The following UTRN variants were observed in gnomAD, a reference collection of about 807,000 sequenced individuals.
UTRN encodes the protein utrophin.
A neutral mutation model predicts 463.9 loss-of-function variants in UTRN; 283 were observed. That is an observed-to-expected ratio of 0.61 (90% CI 0.55 to 0.67). UTRN has a LOEUF of 0.67. Among genes scored for constraint, UTRN ranks in the 30% least tolerant of loss-of-function variants. The pLI, the probability that UTRN is intolerant of heterozygous loss-of-function variation, is 0.00. For synonymous variants in UTRN, 1,442 were observed against 1,431.5 expected (o/e 1.01, Z -0.17); for missense variants, 3,922 against 4,084.3 (o/e 0.96, Z 1.08).
chr6:144,585,233 A>G (rs1802354314), intron 51 of UTRN, among the ~76,000 whole-genome samples: 1 of 152,136 alleles, frequency 6.6e-6, no homozygotes. Flanking sequence ...TTGATTTATA[A>G]TTTCCTAAAG....
chr6:144,699,070 T>C lies in UTRN; in HGVS notation c.7653-1017T>C, dbSNP rs78605216. ...CTTTTTGAAGTAAACATTGCTATTGTTCTGCTTTTTGGTTACAACAGAAGG... is the reference window on the plus strand; with the variant it reads ...CTTTTTGAAGTAAACATTGCTATTGCTCTGCTTTTTGGTTACAACAGAAGG... On this transcript the variant is annotated intron_variant, in intron 52 of 74. Coordinates refer to ENST00000367545, the MANE Select transcript of UTRN (RefSeq NM_007124.3). Among the ~76,000 whole-genome samples the C allele has an allele frequency of 3.6e-3, 541 of 152,316 alleles. 3 individuals carry two copies. The highest frequency in any genetic ancestry group is 0.013 in the African/African-American group (524 of 41,556).
rs573506294 is a variant in UTRN, at chr6:144,550,863, G to A, written c.6811-102G>A. The stretch of plus-strand genomic sequence containing the variant: ...TGCTGATGCTTCACTATGCCATAGA[G>A]GAGGAAAACAACGACAACTTTGATG... On this transcript the variant is annotated intron_variant, in intron 47 of 74. Coordinates refer to ENST00000367545, the MANE Select transcript of UTRN (RefSeq NM_007124.3). The A allele has an allele frequency of 2.4e-5, 23 of 963,480 alleles. No individual in the cohort carries two copies. In the South Asian group the frequency reaches 4.7e-4, roughly 20 times the overall value. 59.7% of individuals were successfully genotyped at this position (963,480 alleles called of 1,614,324 possible).
intron 51 of UTRN, among the ~76,000 whole-genome samples, chr6:144,654,177 G>GT (rs1407090311): frequency 2.0e-5 from 3 of 152,234 alleles, no homozygotes; most frequent in Middle Eastern, 3.2e-3. Context: ...TGATTAGGGA[G>GT]TTGAAGTAGG....
At chr6:144,403,362 C>T (rs1045341794) in intron 3 of UTRN, among the ~76,000 whole-genome samples, 178 bp downstream of exon 3, 2 of 152,122 alleles carry the variant, frequency 1.3e-5, no homozygotes, top group Non-Finnish European at 2.9e-5. Flanking sequence ...CGGAAATTCT[C>T]ATGCACATAG....
At chr6:144,567,234 T>C (rs1315638979) in intron 50 of UTRN, among the ~76,000 whole-genome samples, 1 of 152,082 alleles carries the variant, frequency 6.6e-6, no homozygotes, top group Non-Finnish European at 1.5e-5. Flanking sequence ...AGATGGAAGG[T>C]ACAGCAGAGT....
chr6:144,804,020 C>T (rs889771876), intron 65 of UTRN, among the ~76,000 whole-genome samples: 1 of 152,080 alleles, frequency 6.6e-6, no homozygotes, highest in Non-Finnish European at 1.5e-5. Flanking sequence ...CTTTGATTTA[C>T]AGCTATTTTT....
chr6:144,577,752 G>T (rs926925472), intron 51 of UTRN, among the ~76,000 whole-genome samples: 1 of 152,190 alleles, frequency 6.6e-6, no homozygotes, highest in Non-Finnish European at 1.5e-5. Context: ...AACTGTGATT[G>T]TATATGTAGT....
At chr6:144,388,458 G>A (rs1166210401) in intron 2 of UTRN, among the ~76,000 whole-genome samples, 1 of 151,126 alleles carries the variant, frequency 6.6e-6, no homozygotes, top group Admixed American at 6.6e-5. Flanking sequence ...GACTACAGGT[G>A]TGGACCATTC....
chr6:144,697,876 ACT>A (rs1784185852), intron 52 of UTRN, among the ~76,000 whole-genome samples: 1 of 152,202 alleles, frequency 6.6e-6, no homozygotes, highest in African/African-American at 2.4e-5. Flanking sequence ...AGTGTTTGCA[ACT>A]CAATTTCAAA....
At chr6:144,461,887 T>C (rs1789453201) in intron 22 of UTRN, among the ~76,000 whole-genome samples, 1 of 152,226 alleles carries the variant, frequency 6.6e-6, no homozygotes, top group Non-Finnish European at 1.5e-5. Context: ...CATGAGTTTT[T>C]CATGTTTTGT....
chr6:144,621,321 G>C (rs1775354466), intron 51 of UTRN, among the ~76,000 whole-genome samples: 1 of 152,122 alleles, frequency 6.6e-6, no homozygotes, highest in Non-Finnish European at 1.5e-5. Context: ...AAACCATACT[G>C]TATATGAAAC....
chr6:144,386,701 T>C (rs1452278490), intron 2 of UTRN, among the ~76,000 whole-genome samples: 2 of 152,204 alleles, frequency 1.3e-5, no homozygotes. Flanking sequence ...TGTTCCTTTC[T>C]GACTTGTTTT....
intron 73 of UTRN, 60 bp from the exon 74 acceptor site, chr6:144,846,745 G>C: frequency 6.2e-7 from 1 of 1,612,874 alleles, no homozygotes; most frequent in Non-Finnish European, 8.5e-7. Flanking sequence ...ATGCCTGAGA[G>C]TTGGAACCAA....
intron 14 of UTRN, among the ~76,000 whole-genome samples, chr6:144,445,300 G>A (rs1420823743): frequency 1.4e-5 from 2 of 141,360 alleles, no homozygotes; most frequent in African/African-American, 5.3e-5. Flanking sequence ...GCAGTGAGCC[G>A]AGACTGTGCC....
chr6:144,713,792 T>C (rs1368683121), intron 53 of UTRN, among the ~76,000 whole-genome samples: 1 of 151,106 alleles, frequency 6.6e-6, no homozygotes, highest in Non-Finnish European at 1.5e-5. Context: ...TAGCGGCACA[T>C]GCCTGTAATC....
At chr6:144,495,136 C>T (rs181452025) in intron 33 of UTRN, among the ~76,000 whole-genome samples, 1 of 152,242 alleles carries the variant, frequency 6.6e-6, no homozygotes, top group Non-Finnish European at 1.5e-5. Flanking sequence ...TCCAGTCCCG[C>T]ACCGTGGGCT....
chr6:144,703,511 C>T (rs1784793011), intron 53 of UTRN, among the ~76,000 whole-genome samples: 1 of 151,914 alleles, frequency 6.6e-6, no homozygotes, highest in Admixed American at 6.6e-5. Context: ...AGAAATGAGC[C>T]CTGAGGAGCC....
chr6:144,643,978 T>C (rs1367670177), intron 51 of UTRN, among the ~76,000 whole-genome samples: 2 of 152,140 alleles, frequency 1.3e-5, no homozygotes, highest in Admixed American at 6.5e-5. Flanking sequence ...ATCATCTTCC[T>C]GAAAAAGGCA....
intron 2 of UTRN, among the ~76,000 whole-genome samples, chr6:144,385,765 G>T (rs74899243): frequency 6.6e-6 from 1 of 151,298 alleles, no homozygotes; most frequent in African/African-American, 2.4e-5. Context: ...CTTGAGTGCA[G>T]AGGTGCGATC....
Sources: gnomAD v4.1 joint callset for allele counts (sites outside exome capture counted in the v4.1 genomes callset) on GRCh38, gnomAD v4.1.1 for gene constraint, MANE v1.5 for transcripts, NCBI Gene and HGNC (gene_info 2026-07-23, HGNC 2026-07-21) for gene names.